Variants in BMAL1 observed in about 807,000 individuals in gnomAD.
The protein encoded by BMAL1 is basic helix-loop-helix ARNT-like protein 1.
At chr11:13,361,229 T>G in the BMAL1 span, among the ~76,000 whole-genome samples, 3 of 152,202 alleles carry the variant, frequency 2.0e-5, no homozygotes, top group Non-Finnish European at 4.4e-5. Context: ...GGGAGATGGT[T>G]GAGGTGGCAC....
the BMAL1 span, among the ~76,000 whole-genome samples, chr11:13,328,562 A>G: frequency 1.3e-5 from 2 of 152,176 alleles, no homozygotes; most frequent in Non-Finnish European, 2.9e-5. Flanking sequence ...CCGCAGAAAG[A>G]AAGGAACAGA....
chr11:13,285,670 A>G, the BMAL1 span, among the ~76,000 whole-genome samples: 2 of 152,322 alleles, frequency 1.3e-5, no homozygotes, highest in South Asian at 4.1e-4. Context: ...TGACTCGATT[A>G]TGAGCTGCTT....
At chr11:13,284,906 G>A in the BMAL1 span, among the ~76,000 whole-genome samples, 2 of 151,960 alleles carry the variant, frequency 1.3e-5, no homozygotes, top group South Asian at 2.1e-4. Flanking sequence ...CTGCTTCCCC[G>A]CTCAACCTCC....
At chr11:13,307,626 C>T in the BMAL1 span, among the ~76,000 whole-genome samples, 2 of 152,210 alleles carry the variant, frequency 1.3e-5, no homozygotes, top group African/African-American at 2.4e-5. Context: ...TTGGCAGACT[C>T]GATGTACCTT....
chr11:13,313,027 G>A, the BMAL1 span, among the ~76,000 whole-genome samples: 5 of 152,196 alleles, frequency 3.3e-5, no homozygotes, highest in African/African-American at 1.2e-4. Flanking sequence ...GCTCGTTGGG[G>A]GTAAAATCCA....
the BMAL1 span, among the ~76,000 whole-genome samples, chr11:13,373,251 A>G: frequency 6.6e-3 from 1,002 of 152,258 alleles, 19 homozygotes; most frequent in African/African-American, 0.023. Flanking sequence ...TTAATTGGTA[A>G]TAGACCTGGA....
chr11:13,330,140 G>C, the BMAL1 span, among the ~76,000 whole-genome samples: 9 of 152,166 alleles, frequency 5.9e-5, no homozygotes, highest in Admixed American at 1.3e-4. Context: ...AATTATTTGA[G>C]ACTAGATACA....
the BMAL1 span, among the ~76,000 whole-genome samples, chr11:13,348,235 G>C: frequency 6.6e-6 from 1 of 152,230 alleles, no homozygotes; most frequent in East Asian, 1.9e-4. Context: ...GAGGCAGGGT[G>C]GTTTTGGGAA....
chr11:13,312,528 T>C, the BMAL1 span, among the ~76,000 whole-genome samples: 1 of 152,150 alleles, frequency 6.6e-6, no homozygotes, highest in Admixed American at 6.5e-5. Flanking sequence ...TTTAACTGTT[T>C]CCCCAGATAA....
the BMAL1 span, among the ~76,000 whole-genome samples, chr11:13,373,672 C>T: frequency 3.3e-5 from 5 of 152,210 alleles, no homozygotes; most frequent in African/African-American, 1.2e-4. Flanking sequence ...ATACCCAGCT[C>T]ATTGTTCTGT....
chr11:13,284,226 ATGTG>A, the BMAL1 span, among the ~76,000 whole-genome samples: 1,374 of 67,960 alleles, frequency 0.02, 155 homozygotes, highest in African/African-American at 0.061. Flanking sequence ...ATATATATAT[ATGTG>A]TGTGTATATA....
At chr11:13,372,451 A>AT in the BMAL1 span, 68 of 1,604,246 alleles carry the variant, frequency 4.2e-5, no homozygotes, top group Non-Finnish European at 7.7e-6. Context: ...ATGGTAGAGG[A>AT]TTTTCAACCC....
chr11:13,378,380 G>A, the BMAL1 span: 1 of 1,613,184 alleles, frequency 6.2e-7, no homozygotes, highest in Non-Finnish European at 8.5e-7. Flanking sequence ...GGATTCCAGG[G>A]GGAACCCGGG....
the BMAL1 span, among the ~76,000 whole-genome samples, chr11:13,343,624 A>G: frequency 2.6e-5 from 4 of 152,180 alleles, no homozygotes; most frequent in Non-Finnish European, 5.9e-5. Flanking sequence ...TCTACACCTC[A>G]GTGATGGACT....
At chr11:13,317,016 A>G in the BMAL1 span, among the ~76,000 whole-genome samples, 2 of 152,170 alleles carry the variant, frequency 1.3e-5, no homozygotes, top group Non-Finnish European at 2.9e-5. Flanking sequence ...GTAAAATGGG[A>G]TTGTAATCAT....
chr11:13,317,440 T>C, the BMAL1 span, among the ~76,000 whole-genome samples: 9 of 152,018 alleles, frequency 5.9e-5, no homozygotes, highest in Non-Finnish European at 8.8e-5. Context: ...ATGACCCACA[T>C]TGGTGACCCT....
the BMAL1 span, among the ~76,000 whole-genome samples, chr11:13,284,860 C>A: frequency 1.3e-5 from 2 of 152,240 alleles, no homozygotes; most frequent in African/African-American, 4.8e-5. Context: ...GTCTTCCAGG[C>A]TCTCCAGGGT....
the BMAL1 span, among the ~76,000 whole-genome samples, chr11:13,371,713 A>G: frequency 6.6e-6 from 1 of 152,054 alleles, no homozygotes; most frequent in Non-Finnish European, 1.5e-5. Context: ...TGCCTTTCCA[A>G]TTTGCCCCTC....
At chr11:13,351,756 G>A in the BMAL1 span, among the ~76,000 whole-genome samples, 1 of 152,200 alleles carries the variant, frequency 6.6e-6, no homozygotes, top group Non-Finnish European at 1.5e-5. Context: ...CTCTGGATGT[G>A]CTGATGGGCA....
Sources: gnomAD v4.1 joint callset for allele counts (sites outside exome capture counted in the v4.1 genomes callset) on GRCh38, gnomAD v4.1.1 for gene constraint, MANE v1.5 for transcripts, NCBI Gene and HGNC (gene_info 2026-07-23, HGNC 2026-07-21) for gene names.